The following ZNF433 variants were observed in gnomAD, a reference collection of about 807,000 sequenced individuals.
ZNF433 encodes the protein zinc finger protein 433.
In ZNF433, 12 loss-of-function variants were observed where a neutral mutation model predicts 10.6. The observed-to-expected ratio is 1.13, with a 90% confidence interval of 0.72 to 1.83. The LOEUF is 1.83. Among genes scored for constraint, ZNF433 ranks in the 40% most tolerant of loss-of-function variants. The pLI, the probability that ZNF433 is intolerant of heterozygous loss-of-function variation, is 0.00. For synonymous variants in ZNF433, 272 were observed against 271.3 expected, an observed-to-expected ratio of 1.00 and a Z score of -0.02; for missense variants, 737 against 798.0, an observed-to-expected ratio of 0.92 and a Z score of 0.92.
At chr19:12,020,587 C>A (rs940085050) in intron 1 of ZNF433, among the ~76,000 whole-genome samples, 1 of 152,020 alleles carries the variant, frequency 6.6e-6, no homozygotes, top group South Asian at 2.1e-4. Context: ...TGGAATGTAT[C>A]GAGGAAAGCA....
chr19:12,029,218 A>G (rs1165058387), intron 1 of ZNF433, among the ~76,000 whole-genome samples: 1 of 152,168 alleles, frequency 6.6e-6, no homozygotes, highest in South Asian at 2.1e-4. Context: ...ATAGAAGACA[A>G]TGACTAAGAA....
chr19:12,015,824 G>C lies in ZNF433; in HGVS notation c.1034C>G (p.Ser345Cys), dbSNP rs903321283. The change falls in exon 4 of 4, where the codon TCT (serine) becomes TGT (cysteine). Residue 345 changes from serine to cysteine, a missense_variant. Physicochemically the swap from Ser to Cys is moderately radical, Grantham distance 112. Coordinates refer to ENST00000550507, the MANE Select transcript of ZNF433 (RefSeq NM_001308348.2). ...GTGGTTTTGAAAGCTGGTAAGATAAGATAATACTTTCCCACAATGTTTACA... is the reference window on the plus strand; with the variant it reads ...GTGGTTTTGAAAGCTGGTAAGATAACATAATACTTTCCCACAATGTTTACA... ...YECKHCGKVL[S>C]YLTSFQNHLG... The C allele has an allele frequency of 6.2e-6, 10 of 1,614,056 alleles. No homozygotes were observed. The highest frequency in any genetic ancestry group is 1.7e-5 in the Admixed American group (1 of 60,024).
At position 12,016,406 on chromosome 19, in the gene ZNF433, A is replaced by G. The variant is rs1974202692; in HGVS notation, c.452T>C (p.Leu151Pro). Reference protein sequence around the residue: ...CKYCKKPFNCLSSVQTHERAH... With the variant: ...CKYCKKPFNCPSSVQTHERAH... Reference sequence around the variant, plus strand: ...CCTTTCATGTGTCTGAACAGAGGAGAGACAGTTGAAAGGTTTTTTACAGTA... The same window carrying G: ...CCTTTCATGTGTCTGAACAGAGGAGGGACAGTTGAAAGGTTTTTTACAGTA... The change falls in exon 4 of 4, where the codon CTC (leucine) becomes CCC (proline). Residue 151 changes from leucine to proline, a missense_variant. Transcript: ENST00000550507. The G allele has an allele frequency of 1.9e-6, 3 of 1,614,102 alleles. No homozygotes were observed. Among genetic ancestry groups the G allele is most frequent in the Non-Finnish European group, 2.5e-6 (3 of 1,180,010 alleles).
At chr19:12,023,358 G>C (rs1316823136) in intron 1 of ZNF433, 1 of 152,204 alleles carries the variant, frequency 6.6e-6, no homozygotes, top group Non-Finnish European at 1.5e-5. Context: ...CACTGATTCA[G>C]ATTACAATGG....
chr19:12,033,008 G>T (rs1975104756), intron 1 of ZNF433, among the ~76,000 whole-genome samples: 1 of 152,004 alleles, frequency 6.6e-6, no homozygotes, highest in Non-Finnish European at 1.5e-5. Flanking sequence ...ATTTCTCTGT[G>T]CCCATCCTGC....
rs540103945 is a variant in ZNF433 at position 12,016,809 on chromosome 19, T to A, written c.192-143A>T. On this transcript the variant is annotated intron_variant, in intron 3 of 3. Transcript: ENST00000550507. ...CCCAGGCTGGAGTGTAGTGGTGCGA[T>A]CTTCGCTTACTGCAACTTCCACCTC... The A allele has an allele frequency of 7.4e-6, 9 of 1,212,742 alleles. No individual in the cohort carries two copies. The South Asian group carries it at 1.5e-4, about 20-fold the overall frequency. 75.1% of individuals were successfully genotyped at this position (1,212,742 alleles called of 1,614,324 possible).
At chr19:12,017,792 T>C in intron 3 of ZNF433, 84 bp downstream of exon 3, 1 of 907,916 alleles carries the variant, frequency 1.1e-6, no homozygotes, top group Admixed American at 2.9e-5. Context: ...TTATTTCTTT[T>C]GTTTCCTTTT....
At position 12,017,863 on chromosome 19, in the gene ZNF433, G is replaced by A; in HGVS notation, c.191+13C>T. On this transcript the variant is annotated intron_variant, in intron 3 of 3. Transcript: ENST00000550507. ...CTAGAGACACACGTCTTTGTCATGT[G>A]AGTGCAAGTTACCTTAGGTTTCTCC... The A allele has an allele frequency of 6.5e-7, 1 of 1,531,328 alleles. No individual in the cohort carries two copies. The highest frequency in any genetic ancestry group is 1.2e-5 in the South Asian group (1 of 82,074). The allele number at this position is 1,531,328 out of a possible 1,614,324, so 94.9% of individuals were successfully genotyped here. A position where few individuals can be genotyped will look rare whatever the true frequency, so the allele number is the denominator to read the frequency against.
chr19:12,021,987 G>A (rs907436152), intron 1 of ZNF433: 26 of 456,642 alleles, frequency 5.7e-5, no homozygotes, highest in East Asian at 2.8e-4. Flanking sequence ...CAACCGTCAC[G>A]CTGTGATAGA....
Position 12,015,723 on chromosome 19 carries a change from G to A in ZNF433, c.1135C>T (p.Gln379Ter), listed in dbSNP as rs1974145348. 3 of 1,613,624 alleles carry A rather than the reference G, an allele frequency of 1.9e-6. No individual in the cohort carries two copies. Among genetic ancestry groups the A allele is most frequent in the Non-Finnish European group, 2.5e-6 (3 of 1,179,896 alleles). ...GKAFYSPSSLQTHEKTHTGEK... is the reference protein window; with the variant it reads ...GKAFYSPSSL ...CCAGTGTGAGTTTTTTCATGTGTTT[G>A]AAGTGAACTGGGAGAATAAAAGGCT... The change falls in exon 4 of 4, where the codon CAA becomes TAA. Residue 379 changes from glutamine (Q) to a stop codon, truncating the protein, a stop_gained. Transcript: ENST00000550507. LOFTEE classifies it low-confidence loss of function (END_TRUNC).
intron 1 of ZNF433, chr19:12,027,010 C>T (rs1298477331): frequency 2.2e-6 from 1 of 451,088 alleles, no homozygotes; most frequent in African/African-American, 2.0e-5. Flanking sequence ...TTAATAAGAT[C>T]AAAATTTGGG....
In ZNF433 at chr19:12,020,281, T is replaced by A. The variant is rs578036153; in HGVS notation, c.4-1989A>T. On this transcript the variant is annotated intron_variant, in intron 1 of 3. Transcript: ENST00000550507. ...AGCAAGACTCTGTCTCAAAAAAATT[T>A]TAAAAAAAAAAAGCAAAAGTATTTG... Among the ~76,000 whole-genome samples, 368 of 150,206 alleles carry A rather than the reference T, an allele frequency of 2.4e-3. 3 individuals are homozygous for A. The highest frequency in any genetic ancestry group is 8.5e-3 in the African/African-American group (344 of 40,444).
intron 1 of ZNF433, chr19:12,026,716 C>G: frequency 4.4e-6 from 2 of 454,128 alleles, no homozygotes; most frequent in Non-Finnish European, 8.8e-6. Context: ...GGGAAGATTG[C>G]ATTGCAGAAC....
chr19:12,035,670 G>A lies in ZNF433; in HGVS notation c.-131C>T, dbSNP rs912340793. On this transcript the variant is annotated 5_prime_UTR_variant, in exon 1 of 4. Transcript: ENST00000550507. ...CAACCTCAGCTCGCCGCCTGGAGCC[G>A]GGAACCGAGGAGAGCAGGGCCTTCG... 5 of 1,304,932 alleles carry A rather than the reference G, an allele frequency of 3.8e-6. No individual in the cohort carries two copies. The highest frequency in any genetic ancestry group is 1.5e-5 in the African/African-American group (1 of 65,620). The allele number at this position is 1,304,932 out of a possible 1,614,324, so 80.8% of individuals were successfully genotyped here. A position where few individuals can be genotyped will look rare whatever the true frequency, so the allele number is the denominator to read the frequency against.
At chr19:12,031,148 T>C (rs1049223551) in intron 1 of ZNF433, among the ~76,000 whole-genome samples, 1 of 151,656 alleles carries the variant, frequency 6.6e-6, no homozygotes, top group Non-Finnish European at 1.5e-5. Context: ...ATACAAAAAT[T>C]AGCTGGATGT....
At chr19:12,031,880 T>TAA (rs552876271) in intron 1 of ZNF433, among the ~76,000 whole-genome samples, 3 of 123,414 alleles carry the variant, frequency 2.4e-5, no homozygotes, top group African/African-American at 5.9e-5. Context: ...CAAGACCCTT[T>TAA]AAAAAAAAAA....
chr19:12,033,691 G>A (rs547603301), intron 1 of ZNF433, among the ~76,000 whole-genome samples: 2 of 149,786 alleles, frequency 1.3e-5, no homozygotes, highest in Admixed American at 1.3e-4. Context: ...GCGTGGTGAC[G>A]GGCTCCTGTA....
intron 1 of ZNF433, among the ~76,000 whole-genome samples, chr19:12,031,228 G>A (rs1166791418): frequency 2.7e-5 from 4 of 150,802 alleles, no homozygotes; most frequent in Admixed American, 1.3e-4. Context: ...CCCAGGAGGC[G>A]GAGGTTGCAG....
At position 12,014,989 on chromosome 19, in the gene ZNF433, A is replaced by G. The variant is rs1419023525; in HGVS notation, c.1869T>C (p.Ala623=). ...KPYKCKQCGK[A]FGCPSNLRRH... ...TTCGAAGGTTTGAGGGACATCCAAA[A>G]GCTTTCCCACATTGCTTACATTTAT... Residue 623 remains alanine, a synonymous_variant, in exon 4 of 4, where the codon GCT becomes GCC. Coordinates refer to ENST00000550507, the MANE Select transcript of ZNF433 (RefSeq NM_001308348.2). 2 of 1,601,548 alleles carry G rather than the reference A, an allele frequency of 1.2e-6. No homozygotes were observed. Among genetic ancestry groups the G allele is most frequent in the Non-Finnish European group, 1.7e-6 (2 of 1,175,806 alleles).
Sources: allele counts gnomAD v4.1 joint callset (sites outside exome capture counted in the v4.1 genomes callset), GRCh38; gene constraint gnomAD v4.1.1; transcripts MANE v1.5; gene names NCBI Gene and HGNC (gene_info 2026-07-23, HGNC 2026-07-21).